Variants in FANCC observed in about 807,000 individuals in gnomAD.
FANCC encodes the protein FA complementation group C.
A neutral mutation model predicts 71.3 loss-of-function variants in FANCC; 55 were observed. The observed-to-expected ratio is 0.77, with a 90% confidence interval of 0.62 to 0.97. The LOEUF (loss-of-function observed/expected upper bound fraction) is 0.97, where lower values mean the gene tolerates loss of function less well. Among genes scored for constraint, FANCC ranks in the 50% least tolerant of loss-of-function variants. The pLI, the probability that FANCC is intolerant of heterozygous loss-of-function variation, is 0.00. For synonymous variants in FANCC, 275 were observed against 244.9 expected (o/e 1.12, Z -1.15); for missense variants, 678 against 670.9 (o/e 1.01, Z -0.12).
intron 1 of FANCC, among the ~76,000 whole-genome samples, chr9:95,277,806 T>A (rs911449422): frequency 1.3e-5 from 2 of 151,888 alleles, no homozygotes; most frequent in Non-Finnish European, 2.9e-5. Context: ...GAATCCCATA[T>A]CCCCCAAAAC....
At chr9:95,163,663 A>C (rs1830885142) in intron 6 of FANCC, among the ~76,000 whole-genome samples, 1 of 152,210 alleles carries the variant, frequency 6.6e-6, no homozygotes, top group South Asian at 2.1e-4. Context: ...CAGCATGACC[A>C]ACACGGAGAA....
intron 3 of FANCC, among the ~76,000 whole-genome samples, chr9:95,242,620 T>C (rs1830705247): frequency 1.3e-5 from 2 of 152,146 alleles, no homozygotes; most frequent in Admixed American, 1.3e-4. Context: ...TATTATTTTT[T>C]ATTTTTCTCC....
At chr9:95,302,398 T>C (rs1162214210) in intron 1 of FANCC, among the ~76,000 whole-genome samples, 4 of 152,174 alleles carry the variant, frequency 2.6e-5, no homozygotes, top group Non-Finnish European at 1.5e-5. Context: ...TCGCTTCTCT[T>C]TGGGAGTGAA....
intron 6 of FANCC, among the ~76,000 whole-genome samples, chr9:95,161,447 G>A (rs1315625172): frequency 3.9e-5 from 6 of 152,196 alleles, no homozygotes; most frequent in Non-Finnish European, 7.3e-5. Context: ...CTCATCGAGA[G>A]ACTAACAAGG....
At chr9:95,249,016 C>A in intron 2 of FANCC, 111 bp downstream of exon 2, 2 of 1,089,048 alleles carry the variant, frequency 1.8e-6, no homozygotes, top group South Asian at 1.3e-5. Context: ...AATCCATCGG[C>A]ACTTCAGTCA....
intron 6 of FANCC, among the ~76,000 whole-genome samples, chr9:95,154,640 G>A (rs1164273790): frequency 1.3e-5 from 2 of 152,098 alleles, no homozygotes. Context: ...AAAGCACAGC[G>A]AAATGTGAAG....
intron 1 of FANCC, chr9:95,294,654 T>G: frequency 6.3e-7 from 1 of 1,588,758 alleles, no homozygotes; most frequent in Non-Finnish European, 8.6e-7. Context: ...GTTCTGGGTT[T>G]GAAACCCTGG....
intron 14 of FANCC, among the ~76,000 whole-genome samples, chr9:95,105,069 CG>C (rs2071338503): frequency 6.6e-6 from 1 of 152,326 alleles, no homozygotes; most frequent in Non-Finnish European, 1.5e-5. Flanking sequence ...GTGCTGGGGC[CG>C]GGCCCAAAGA....
chr9:95,238,621 A>G (rs1830456431), intron 4 of FANCC, among the ~76,000 whole-genome samples: 1 of 151,062 alleles, frequency 6.6e-6, no homozygotes, highest in African/African-American at 2.4e-5. Context: ...GCTGGAGTGC[A>G]GTGGCATGAT....
At position 95,246,059 on chromosome 9, in the gene FANCC, T is replaced by A. The variant is rs191984885; in HGVS notation, c.250+1373A>T. Among the ~76,000 whole-genome samples, 36 of 152,326 alleles carry A rather than the reference T, an allele frequency of 2.4e-4. No individual in the cohort carries two copies. The East Asian group carries it at 6.6e-3, about 28-fold the overall frequency. ...TTCACTGTGTGTGTGCATATCCACG[T>A]GCATATGCATATACATAATGTATTT... On this transcript the variant is annotated intron_variant, in intron 3 of 14. Transcript: ENST00000289081.
At chr9:95,242,251 C>T (rs986961509) in intron 3 of FANCC, among the ~76,000 whole-genome samples, 28 of 151,902 alleles carry the variant, frequency 1.8e-4, no homozygotes, top group Non-Finnish European at 5.9e-5. Context: ...TTTCAAGAGT[C>T]GTATAATTTA....
intron 6 of FANCC, among the ~76,000 whole-genome samples, chr9:95,158,743 T>C (rs1653931395): frequency 6.6e-6 from 1 of 152,206 alleles, no homozygotes; most frequent in African/African-American, 2.4e-5. Flanking sequence ...AGAGTATGTC[T>C]GGACAGATGT....
At chr9:95,285,119 G>A (rs1206461790) in intron 1 of FANCC, among the ~76,000 whole-genome samples, 1 of 151,936 alleles carries the variant, frequency 6.6e-6, no homozygotes, top group Non-Finnish European at 1.5e-5. Flanking sequence ...CCATAGACAT[G>A]TAATAAATAA....
chr9:95,217,465 C>T (rs1223184370), intron 4 of FANCC, among the ~76,000 whole-genome samples: 3 of 151,316 alleles, frequency 2.0e-5, no homozygotes, highest in East Asian at 1.9e-4. Context: ...GCCTGGGTGA[C>T]GGTGAGACTC....
At chr9:95,107,644 C>A (rs984838883) in intron 13 of FANCC, 1 of 389,536 alleles carries the variant, frequency 2.6e-6, no homozygotes, top group South Asian at 2.5e-5. Context: ...TAAAGCCCCA[C>A]GCAGTCAGAC....
intron 4 of FANCC, among the ~76,000 whole-genome samples, chr9:95,227,924 G>A (rs186207109): frequency 5.1e-4 from 77 of 152,276 alleles, no homozygotes; most frequent in Non-Finnish European, 1.0e-3. Context: ...TTGGGGCCTT[G>A]TTCTTCATGT....
chr9:95,291,993 T>TATATATATATA (rs1834048581), intron 1 of FANCC, among the ~76,000 whole-genome samples: 5 of 124,412 alleles, frequency 4.0e-5, no homozygotes, highest in Admixed American at 1.7e-4. Context: ...TATATATATA[T>TATATATATATA]TAAGACCCCA....
chr9:95,104,159 G>A (rs962988683), intron 14 of FANCC, among the ~76,000 whole-genome samples: 5 of 152,230 alleles, frequency 3.3e-5, no homozygotes, highest in Non-Finnish European at 7.3e-5. Context: ...AGGCAGGGGT[G>A]GTGGGAGGGA....
chr9:95,268,514 T>C lies in FANCC; in HGVS notation c.-78-19145A>G, dbSNP rs1316031979. Among the ~76,000 whole-genome samples, 3 of 152,208 alleles carry C rather than the reference T, an allele frequency of 2.0e-5. No homozygotes were observed. The East Asian group carries it at 5.8e-4, about 29-fold the overall frequency. ...TTATTTCTTTCTGCTGCATCTTCTC[T>C]GAAGCTTAAACAGGAAACAAACATT... On this transcript the variant is annotated intron_variant, in intron 1 of 14. Transcript: ENST00000289081.
Sources: gnomAD v4.1 joint callset for allele counts (sites outside exome capture counted in the v4.1 genomes callset) on GRCh38, gnomAD v4.1.1 for gene constraint, MANE v1.5 for transcripts, NCBI Gene and HGNC (gene_info 2026-07-23, HGNC 2026-07-21) for gene names.